HMCN2: variants seen among roughly 807,000 people sequenced by gnomAD.
HMCN2 encodes hemicentin 2, also known as hemicentin-2.
In HMCN2, 325 loss-of-function variants were observed where a neutral mutation model predicts 377.5. The observed-to-expected ratio is 0.86, with a 90% CI of 0.79 to 0.94. The LOEUF (loss-of-function observed/expected upper bound fraction) is 0.94. HMCN2 is among the 40% of genes least tolerant of loss of function. HMCN2 has a pLI of 0.00. For synonymous variants in HMCN2, 2,007 were observed against 2,046.8 expected (o/e 0.98, Z 0.53); for missense variants, 4,543 against 4,725.3 (o/e 0.96, Z 1.13).
rs1554931356 is a variant in HMCN2, at chr9:130,294,854, G to A, written c.613-1G>A. On this transcript the variant is annotated splice_acceptor_variant, in intron 4 of 97. Coordinates refer to ENST00000683500, the MANE Select transcript of HMCN2 (RefSeq NM_001291815.2). LOFTEE classifies it high-confidence loss of function. ...CATCAGCTCCTCATACTTGCCTCCA[G>A]GTGCTGAAGTGGGTGGAGTCAGCGA... The A allele has an allele frequency of 1.4e-5, 6 of 441,602 alleles. No individual in the cohort carries two copies. The highest frequency in any genetic ancestry group is 8.2e-5 in the South Asian group (5 of 60,670). 27.4% of individuals were successfully genotyped at this position (441,602 alleles called of 1,614,324 possible). A position where few individuals can be genotyped will look rare whatever the true frequency, so the allele number is the denominator to read the frequency against.
chr9:130,392,152 C>T (rs1842351569), intron 66 of HMCN2, 34 bp downstream of exon 66: 29 of 987,358 alleles, frequency 2.9e-5, no homozygotes, highest in Non-Finnish European at 2.8e-5. Context: ...TTGGCTATTC[C>T]ACTCAGAGTG....
intron 17 of HMCN2, 102 bp from the exon 18 acceptor site, chr9:130,320,674 T>A (rs1263027169): frequency 6.6e-6 from 1 of 152,194 alleles, no homozygotes; most frequent in Non-Finnish European, 1.5e-5. Flanking sequence ...TTCTGATGCA[T>A]CTCTCAGTTC....
At position 130,431,055 on chromosome 9, in the gene HMCN2, A is replaced by T. The variant is rs896540362; in HGVS notation, c.14648-312A>T. On this transcript the variant is annotated intron_variant, in intron 95 of 97. Transcript: ENST00000683500. ...TGGCCCCTGGACCCTGCAGAGAGGG[A>T]CAAAGAGGAGGTGGCCTGCCCCAGG... 71 of 493,820 alleles carry T rather than the reference A, an allele frequency of 1.4e-4. 1 individual carries two copies. The highest frequency in any genetic ancestry group is 2.4e-4 in the Non-Finnish European group (67 of 275,062). 30.6% of individuals were successfully genotyped at this position (493,820 alleles called of 1,614,324 possible).
chr9:130,426,760 ATT>A lies in HMCN2; in HGVS notation c.13880-538_13880-537del, dbSNP rs71387349. Among the ~76,000 whole-genome samples, 340 of 143,524 alleles carry A rather than the reference ATT, an allele frequency of 2.4e-3. 2 individuals are homozygous for A. Among genetic ancestry groups the A allele is most frequent in the African/African-American group, 7.3e-3 (284 of 38,670 alleles). 94.2% of individuals were successfully genotyped at this position (143,524 alleles called of 152,430 possible). A position where few individuals can be genotyped will look rare whatever the true frequency, so the allele number is the denominator to read the frequency against. On this transcript the variant is annotated intron_variant, in intron 90 of 97. Coordinates refer to ENST00000683500, the MANE Select transcript of HMCN2 (RefSeq NM_001291815.2). ...TTAAAACATTATGATATTTTTTGTG[ATT>A]TTTTTTTTTTTTTTAGCTCATCAGC...
chr9:130,342,193 G>A (rs1199898909), intron 24 of HMCN2, among the ~76,000 whole-genome samples, 157 bp from the exon 25 acceptor site: 1 of 152,144 alleles, frequency 6.6e-6, no homozygotes, highest in African/African-American at 2.4e-5. Context: ...GGGTGAGCCA[G>A]TACCCCTGGC....
chr9:130,360,891 A>T lies in HMCN2; in HGVS notation c.5950+287A>T, dbSNP rs1840353540. On this transcript the variant is annotated intron_variant, in intron 38 of 97. Coordinates refer to ENST00000683500, the MANE Select transcript of HMCN2 (RefSeq NM_001291815.2). This position sits in a 1 kb window ranked among gnomAD's most constrained non-coding sequence, Gnocchi z 4.7. ...AACTCATCTATCCATCCATCCATCCATCCATCTCTCATCCATCCATTTATC... is the reference window on the plus strand; with the variant it reads ...AACTCATCTATCCATCCATCCATCCTTCCATCTCTCATCCATCCATTTATC... Among the ~76,000 whole-genome samples the T allele has an allele frequency of 6.7e-6, 1 of 150,172 alleles. No individual in the cohort carries two copies. Among genetic ancestry groups the T allele is most frequent in the African/African-American group, 2.5e-5 (1 of 40,586 alleles).
chr9:130,346,480 G>GA (rs1839397529), intron 25 of HMCN2, among the ~76,000 whole-genome samples: 1 of 151,934 alleles, frequency 6.6e-6, no homozygotes, highest in Non-Finnish European at 1.5e-5. Context: ...GCTGGAGGCA[G>GA]GGGGGTGTGG....
chr9:130,323,818 T>C (rs1837977591), intron 19 of HMCN2, among the ~76,000 whole-genome samples: 1 of 152,174 alleles, frequency 6.6e-6, no homozygotes, highest in South Asian at 2.1e-4. Context: ...TTCTCCTGCC[T>C]CAGCCTCCTG....
chr9:130,403,464 T>TA, intron 79 of HMCN2, 136 bp downstream of exon 79: 1 of 1,004,446 alleles, frequency 1.0e-6, no homozygotes, highest in Non-Finnish European at 1.3e-6. Context: ...CCTGCCCAGA[T>TA]ACGCCCCCAC....
intron 1 of HMCN2, among the ~76,000 whole-genome samples, chr9:130,283,610 C>A (rs1319802015): frequency 3.3e-5 from 5 of 152,174 alleles, no homozygotes; most frequent in Admixed American, 1.3e-4. Context: ...CTCAGGCAAC[C>A]TCTGTTCTGT....
In HMCN2 at chr9:130,357,133, G is replaced by A. The variant is rs191979989; in HGVS notation, c.5426-701G>A. 3.0e-4 allele frequency among the ~76,000 whole-genome samples: 45 copies of A among 151,524 alleles called. No homozygotes were observed. In the East Asian group the frequency reaches 8.0e-3, roughly 27 times the overall value. ...GGATGGGTAGATAGATGGAAGCATG[G>A]GTGGATAGAAGGGTGGATGGATGGG... On this transcript the variant is annotated intron_variant, in intron 34 of 97. Coordinates refer to ENST00000683500, the MANE Select transcript of HMCN2 (RefSeq NM_001291815.2).
chr9:130,288,901 G>C (rs1272421412), intron 4 of HMCN2, among the ~76,000 whole-genome samples: 1 of 152,214 alleles, frequency 6.6e-6, no homozygotes, highest in Non-Finnish European at 1.5e-5. Context: ...ACAGACAGGG[G>C]ATCATGTCAG....
chr9:130,315,199 CTCCCTCCCCTCCCCTCCCT>C (rs1564777312), intron 15 of HMCN2, among the ~76,000 whole-genome samples: 2 of 6,980 alleles, frequency 2.9e-4, no homozygotes, highest in Admixed American at 9.2e-4. Context: ...CCTCCCTCCC[CTCCCTCCCCTCCCCTCCCT>C]CCCCTCCCCT....
intron 86 of HMCN2, among the ~76,000 whole-genome samples, chr9:130,421,292 C>A (rs1469558909): frequency 6.6e-6 from 1 of 152,160 alleles, no homozygotes; most frequent in Non-Finnish European, 1.5e-5. Context: ...AGTTTCCATT[C>A]CCCAAAGCCA....
rs1303490493 is a variant in HMCN2 at position 130,414,398 on chromosome 9, G to A, written c.12961+3746G>A. Among the ~76,000 whole-genome samples, 3 of 152,146 alleles carry A rather than the reference G, an allele frequency of 2.0e-5. No individual in the cohort carries two copies. Among genetic ancestry groups the A allele is most frequent in the South Asian group, 2.1e-4 (1 of 4,828 alleles). On this transcript the variant is annotated intron_variant, in intron 85 of 97. Coordinates refer to ENST00000683500, the MANE Select transcript of HMCN2 (RefSeq NM_001291815.2). This position sits in a 1 kb window ranked among gnomAD's most constrained non-coding sequence, Gnocchi z 4.4. ...ACCTGGGCTTCCACGCTGACCTGGC[G>A]GAAGTGAGTGGCACCACTTTTTCTT...
At chr9:130,377,304 G>A (rs13287806) in intron 52 of HMCN2, among the ~76,000 whole-genome samples, 9,218 of 152,078 alleles carry the variant, frequency 0.061, 374 homozygotes, top group Middle Eastern at 0.12. Flanking sequence ...TAGTAGAGAT[G>A]GGGCTTCTTT....
At chr9:130,340,227 G>C (rs1838974088) in intron 23 of HMCN2, among the ~76,000 whole-genome samples, 1 of 152,256 alleles carries the variant, frequency 6.6e-6, no homozygotes, top group Non-Finnish European at 1.5e-5. Flanking sequence ...GGAAGGACGG[G>C]GCAGCGGTGA....
rs1418287873 is a variant in HMCN2 at position 130,265,778 on chromosome 9, C to G, written c.-101C>G. The G allele has an allele frequency of 8.7e-6, 2 of 229,470 alleles. No homozygotes were observed. The highest frequency in any genetic ancestry group is 1.7e-5 in the Non-Finnish European group (2 of 115,884). The allele number at this position is 229,470 out of a possible 1,614,324, so 14.2% of individuals were successfully genotyped here. On this transcript the variant is annotated 5_prime_UTR_variant, in exon 1 of 98. Coordinates refer to ENST00000683500, the MANE Select transcript of HMCN2 (RefSeq NM_001291815.2). Reference sequence around the variant, plus strand: ...CCCTCGCGCACTGGCCGCGGCCCGACGGAGCAAGGCACTGCCTGCAGCCGC... The same window carrying G: ...CCCTCGCGCACTGGCCGCGGCCCGAGGGAGCAAGGCACTGCCTGCAGCCGC...
chr9:130,408,729 G>A lies in HMCN2; in HGVS notation c.12689-14G>A, dbSNP rs1843241399. ...CCTCTTTTCTGACAACTTGCTCGAT[G>A]TCACCCCATGCAGAGGCTCCTGTCC... On this transcript the variant is annotated splice_polypyrimidine_tract_variant and intron_variant, in intron 83 of 97. Coordinates refer to ENST00000683500, the MANE Select transcript of HMCN2 (RefSeq NM_001291815.2). 1 of 1,283,892 alleles carries A rather than the reference G, an allele frequency of 7.8e-7. No homozygotes were observed. The highest frequency in any genetic ancestry group is 1.0e-6 in the Non-Finnish European group (1 of 984,526). The allele number at this position is 1,283,892 out of a possible 1,614,324, so 79.5% of individuals were successfully genotyped here.
Sources: allele counts gnomAD v4.1 joint callset (sites outside exome capture counted in the v4.1 genomes callset), GRCh38; gene constraint gnomAD v4.1.1; non-coding constraint Gnocchi (gnomAD v3.1); transcripts MANE v1.5; gene names NCBI Gene and HGNC (gene_info 2026-07-23, HGNC 2026-07-21).